Variants in DMRTA2 observed in about 807,000 individuals in gnomAD.
The protein encoded by DMRTA2 is DMRT like family A2.
DMRTA2 carries 10 observed loss-of-function variants against 29.7 expected under a neutral mutation model. That is an observed-to-expected ratio of 0.34 (90% CI 0.21 to 0.57). DMRTA2 has a LOEUF of 0.57. DMRTA2 is among the 20% of genes least tolerant of loss of function. The pLI, the probability that DMRTA2 is intolerant of heterozygous loss-of-function variation, is 0.87. For missense variants in DMRTA2, 783 were observed against 812.1 expected, an observed-to-expected ratio of 0.96 and a Z score of 0.44; for synonymous variants, 469 against 402.6, an observed-to-expected ratio of 1.16 and a Z score of -1.97.
chr1:50,422,575 C>A lies in DMRTA2; in HGVS notation c.-9+541G>T, dbSNP rs1646046921. 6.6e-6 allele frequency among the ~76,000 whole-genome samples: 1 copy of A among 152,124 alleles called. No homozygotes were observed. The highest frequency in any genetic ancestry group is 2.4e-5 in the African/African-American group (1 of 41,436). ...TCGCAGTCTGGAGTAGTAGTCGGGG[C>A]GGAAGACGTATCCTGCGAAAAGTTA... On this transcript the variant is annotated intron_variant, in intron 1 of 2. Transcript: ENST00000404795. This position sits in a 1 kb window ranked among gnomAD's most constrained non-coding sequence, Gnocchi z 5.7.
In DMRTA2 at chr1:50,421,310, T is replaced by C; in HGVS notation, c.227A>G (p.His76Arg). The change falls in exon 2 of 3, where the codon CAT becomes CGT. Residue 76 changes from histidine to arginine, a missense_variant. Transcript: ENST00000404795. The surrounding 1 kb of genome is among the most constrained non-coding windows in gnomAD (Gnocchi z 8.7). ...GCCCTTGAGGGCCGACACCACGCCA[T>C]GGTTGCGACAGCGCGCGCACTTGGG... is the stretch of plus-strand genomic sequence containing the variant. Reference protein sequence around the residue: ...RTPKCARCRNHGVVSALKGHK... With the variant: ...RTPKCARCRNRGVVSALKGHK... 6.5e-7 allele frequency: 1 copy of C among 1,530,728 alleles called. No homozygotes were observed. The highest frequency in any genetic ancestry group is 8.8e-7 in the Non-Finnish European group (1 of 1,138,396). The allele number at this position is 1,530,728 out of a possible 1,614,324, so 94.8% of individuals were successfully genotyped here.
chr1:50,419,528 A>C lies in DMRTA2; in HGVS notation c.766T>G (p.Ser256Ala). ...SFSGSPLARA[S>A]KEAGGSCPGS... ...GGGCAGCTGCCACCTGCCTCTTTGGAGGCCCGAGCTAGGGGCGAACCAGAA... is the reference window on the plus strand; with the variant it reads ...GGGCAGCTGCCACCTGCCTCTTTGGCGGCCCGAGCTAGGGGCGAACCAGAA... The change falls in exon 3 of 3, where the codon TCC (serine) becomes GCC (alanine). Residue 256 changes from serine (S) to alanine (A), a missense_variant. Transcript: ENST00000404795. This position sits in a 1 kb window ranked among gnomAD's most constrained non-coding sequence, Gnocchi z 6.1. 3.8e-6 allele frequency: 6 copies of C among 1,585,282 alleles called. No individual in the cohort carries two copies. The highest frequency in any genetic ancestry group is 5.1e-6 in the Non-Finnish European group (6 of 1,168,822).
chr1:50,419,616 G>T lies in DMRTA2; in HGVS notation c.678C>A (p.Pro226=). The change falls in exon 3 of 3, where the codon CCC becomes CCA. Residue 226 remains proline, a synonymous_variant. Coordinates refer to ENST00000404795, the MANE Select transcript of DMRTA2 (RefSeq NM_032110.3). The surrounding 1 kb of genome is among the most constrained non-coding windows in gnomAD (Gnocchi z 6.1). Reference sequence around the variant, plus strand: ...GCCGCACCTCTGGGGACGACGTCCCGGGCCCCGAGTCTGCGCCGTCGGGTG... The same window carrying T: ...GCCGCACCTCTGGGGACGACGTCCCTGGCCCCGAGTCTGCGCCGTCGGGTG... The part of the protein sequence containing the change: ...PLSPDGADSG[P]GTSSPEVRPG... 2 of 1,529,622 alleles carry T rather than the reference G, an allele frequency of 1.3e-6. No individual in the cohort carries two copies. Among genetic ancestry groups the T allele is most frequent in the Admixed American group, 2.1e-5 (1 of 48,076 alleles). The allele number at this position is 1,529,622 out of a possible 1,614,324, so 94.8% of individuals were successfully genotyped here.
Position 50,418,749 on chromosome 1 carries a change from G to A in DMRTA2, c.1545C>T (p.Ala515=), listed in dbSNP as rs1390403317. The change falls in exon 3 of 3, where the codon GCC becomes GCT. Residue 515 remains alanine, a synonymous_variant. Coordinates refer to ENST00000404795, the MANE Select transcript of DMRTA2 (RefSeq NM_032110.3). ...GCTCCTTGTGCACCGCCGCAGCAGC[G>A]GCGGCCGAGCGGTCACGCATGAGAT... ...FSDLMRDRSA[A]AAAAVHKEPT... 1.3e-6 allele frequency: 2 copies of A among 1,564,598 alleles called. No homozygotes were observed. Among genetic ancestry groups the A allele is most frequent in the South Asian group, 1.2e-5 (1 of 84,552 alleles).
Position 50,421,165 on chromosome 1 carries a change from G to C in DMRTA2, c.372C>G (p.Asn124Lys). Residue 124 changes from asparagine (N) to lysine (K), a missense_variant, in exon 2 of 3, where the codon AAC becomes AAG. Around this residue, in one of 3 missense-constraint regions of DMRTA2, gnomAD observed 667 missense variants for 624.8 expected, o/e 1.07. Coordinates refer to ENST00000404795, the MANE Select transcript of DMRTA2 (RefSeq NM_032110.3). This position sits in a 1 kb window ranked among gnomAD's most constrained non-coding sequence, Gnocchi z 8.7. ...AGAGCAGCTGCAGCTCGCGCGCCTCGTTCTCCTCCTGCGCCTGCTGCCTGC... is the reference window on the plus strand; with the variant it reads ...AGAGCAGCTGCAGCTCGCGCGCCTCCTTCTCCTCCTGCGCCTGCTGCCTGC... ...ALRRQQAQEENEARELQLLYG... is the reference protein window; with the variant it reads ...ALRRQQAQEEKEARELQLLYG... The C allele has an allele frequency of 1.3e-6, 2 of 1,536,048 alleles. No homozygotes were observed. Among genetic ancestry groups the C allele is most frequent in the South Asian group, 1.2e-5 (1 of 83,300 alleles).
chr1:50,419,084 C>A lies in DMRTA2; in HGVS notation c.1210G>T (p.Ala404Ser). Reference sequence around the variant, plus strand: ...GCGGCGGGCCCCGCCTGCAGCGGCGCAGGCAGCCCAGGCCCCCCGGCGGCG... The same window carrying A: ...GCGGCGGGCCCCGCCTGCAGCGGCGAAGGCAGCCCAGGCCCCCCGGCGGCG... ...AAAAGGPGLP[A>S]PLQAGPAAPP... The change falls in exon 3 of 3, where the codon GCG becomes TCG. Residue 404 changes from alanine (A) to serine (S), a missense_variant. Coordinates refer to ENST00000404795, the MANE Select transcript of DMRTA2 (RefSeq NM_032110.3). This position sits in a 1 kb window ranked among gnomAD's most constrained non-coding sequence, Gnocchi z 6.1. 2 of 1,236,804 alleles carry A rather than the reference C, an allele frequency of 1.6e-6. No individual in the cohort carries two copies. The highest frequency in any genetic ancestry group is 1.0e-6 in the Non-Finnish European group (1 of 994,196). The allele number at this position is 1,236,804 out of a possible 1,614,324, so 76.6% of individuals were successfully genotyped here.
Position 50,420,578 on chromosome 1 carries a change from G to T in DMRTA2, c.559+400C>A, listed in dbSNP as rs190630050. Among the ~76,000 whole-genome samples, 496 of 151,936 alleles carry T rather than the reference G, an allele frequency of 3.3e-3. 2 individuals carry two copies. The highest frequency in any genetic ancestry group is 0.012 in the African/African-American group (479 of 41,426). On this transcript the variant is annotated intron_variant, in intron 2 of 2. Transcript: ENST00000404795. This position sits in a 1 kb window ranked among gnomAD's most constrained non-coding sequence, Gnocchi z 4.1. ...TCAAAACCTAGGGTGTCAGTTAAAG[G>T]GGGGGGGATTCCTTAAGGGAGTTGG...
chr1:50,421,476 C>T lies in DMRTA2; in HGVS notation c.61G>A (p.Ala21Thr). ...ACCGACGCCACAGGCGGCCCCGTCG[C>T]TGTTGCCGCCGCCGCCGTCGCCGCG... ...PGAATAAAAT[A>T]TGPPVASVAS... is the part of the protein sequence containing the mutation. Residue 21 changes from alanine to threonine, a missense_variant, in exon 2 of 3, where the codon GCG (alanine) becomes ACG (threonine). Ala to Thr is a moderately conservative substitution (Grantham distance 58). Transcript: ENST00000404795. This position sits in a 1 kb window ranked among gnomAD's most constrained non-coding sequence, Gnocchi z 8.7. 1.6e-6 allele frequency: 2 copies of T among 1,277,142 alleles called. No individual in the cohort carries two copies. The highest frequency in any genetic ancestry group is 2.0e-6 in the Non-Finnish European group (2 of 1,018,100). 79.1% of individuals were successfully genotyped at this position (1,277,142 alleles called of 1,614,324 possible).
rs1037780421 is a variant in DMRTA2, at chr1:50,420,460, G to C, written c.559+518C>G. 6.6e-6 allele frequency among the ~76,000 whole-genome samples: 1 copy of C among 152,100 alleles called. No individual in the cohort carries two copies. The highest frequency in any genetic ancestry group is 1.5e-5 in the Non-Finnish European group (1 of 68,032). ...ACCAGGGAGGGTGCGGAAGAAACTA[G>C]AAGGAGGGAGGGCGCAGCAAGCGGT... On this transcript the variant is annotated intron_variant, in intron 2 of 2. Coordinates refer to ENST00000404795, the MANE Select transcript of DMRTA2 (RefSeq NM_032110.3). The surrounding 1 kb of genome is among the most constrained non-coding windows in gnomAD (Gnocchi z 4.1).
chr1:50,421,363 C>A lies in DMRTA2; in HGVS notation c.174G>T (p.Leu58=). 6.6e-6 allele frequency: 10 copies of A among 1,510,922 alleles called. No individual in the cohort carries two copies. The highest frequency in any genetic ancestry group is 8.8e-6 in the Non-Finnish European group (10 of 1,130,022). The allele number at this position is 1,510,922 out of a possible 1,614,324, so 93.6% of individuals were successfully genotyped here. A position where few individuals can be genotyped will look rare whatever the true frequency, so the allele number is the denominator to read the frequency against. The change falls in exon 2 of 3, where the codon CTG becomes CTT. Residue 58 remains leucine (L), a synonymous_variant. Transcript: ENST00000404795. The surrounding 1 kb of genome is among the most constrained non-coding windows in gnomAD (Gnocchi z 8.7). The part of the protein sequence containing the change: ...GGLLRGPPLL[L]RAAEKYPRTP... ...TCCGCGGGTACTTCTCGGCTGCCCG[C>A]AGCAACAGTGGCGGCCCCCGCAGCA... is the stretch of plus-strand genomic sequence containing the variant.
chr1:50,420,645 A>G lies in DMRTA2; in HGVS notation c.559+333T>C, dbSNP rs1260131654. ...AGGGCCTGTGGAGAAGCGCAGAGCG[A>G]ACGAAGATGCGCAGGTTTCCACCTG... On this transcript the variant is annotated intron_variant, in intron 2 of 2. Coordinates refer to ENST00000404795, the MANE Select transcript of DMRTA2 (RefSeq NM_032110.3). The surrounding 1 kb of genome is among the most constrained non-coding windows in gnomAD (Gnocchi z 4.1). Among the ~76,000 whole-genome samples, 1 of 152,176 alleles carries G rather than the reference A, an allele frequency of 6.6e-6. No homozygotes were observed. The highest frequency in any genetic ancestry group is 2.4e-5 in the African/African-American group (1 of 41,432).
Position 50,421,885 on chromosome 1 carries a change from A to G in DMRTA2, c.-8-341T>C, listed in dbSNP as rs1646041599. On this transcript the variant is annotated intron_variant, in intron 1 of 2. Coordinates refer to ENST00000404795, the MANE Select transcript of DMRTA2 (RefSeq NM_032110.3). The surrounding 1 kb of genome is among the most constrained non-coding windows in gnomAD (Gnocchi z 8.7). ...GTAATGAGAATTTGGAAAAGTTAAG[A>G]TGATACCCCAAAGCTTAGCCTAATT... 6.6e-6 allele frequency among the ~76,000 whole-genome samples: 1 copy of G among 152,210 alleles called. No individual in the cohort carries two copies. Among genetic ancestry groups the G allele is most frequent in the African/African-American group, 2.4e-5 (1 of 41,462 alleles).
At position 50,421,228 on chromosome 1, in the gene DMRTA2, C is replaced by G; in HGVS notation, c.309G>C (p.Ala103=). Residue 103 remains alanine (A), a synonymous_variant, in exon 2 of 3, where the codon GCG becomes GCC. Transcript: ENST00000404795. This position sits in a 1 kb window ranked among gnomAD's most constrained non-coding sequence, Gnocchi z 8.7. Reference sequence around the variant, plus strand: ...GCGCCGCCATGACACGCTGGCGCTCCGCGATGAGCGTGCACTTGGCGCACA... The same window carrying G: ...GCGCCGCCATGACACGCTGGCGCTCGGCGATGAGCGTGCACTTGGCGCACA... ...DCLCAKCTLI[A]ERQRVMAAQV... 6.5e-7 allele frequency: 1 copy of G among 1,536,760 alleles called. No homozygotes were observed. Among genetic ancestry groups the G allele is most frequent in the Non-Finnish European group, 8.8e-7 (1 of 1,141,238 alleles).
At position 50,421,435 on chromosome 1, in the gene DMRTA2, TGCCGCCACC is replaced by T; in HGVS notation, c.93_101del (p.Val32_Ala34del). On this transcript the variant is annotated inframe_deletion, in exon 2 of 3. Coordinates refer to ENST00000404795, the MANE Select transcript of DMRTA2 (RefSeq NM_032110.3). The surrounding 1 kb of genome is among the most constrained non-coding windows in gnomAD (Gnocchi z 8.7). ...GTAGCGATGCAGCGGCCGCCGCGGC[TGCCGCCACC>T]GACGCCACCGACGCCACAGGCGGCC... 6 of 1,340,588 alleles carry T rather than the reference TGCCGCCACC, an allele frequency of 4.5e-6. No homozygotes were observed. The highest frequency in any genetic ancestry group is 5.7e-6 in the Non-Finnish European group (6 of 1,049,822). The allele number at this position is 1,340,588 out of a possible 1,614,324, so 83.0% of individuals were successfully genotyped here.
In DMRTA2 at chr1:50,419,158, G is replaced by A; in HGVS notation, c.1136C>T (p.Ala379Val). ...GACGCGGCTGGGCCACGCGTCGTCT[G>A]CAGCTGCTGCAGCACCCACGGCGGC... ...DKAAVGAAAAADDAWPSRVDA... is the reference protein window; with the variant it reads ...DKAAVGAAAAVDDAWPSRVDA... The change falls in exon 3 of 3, where the codon GCA (alanine) becomes GTA (valine). Residue 379 changes from alanine to valine, a missense_variant. Physicochemically the swap from Ala to Val is moderately conservative, Grantham distance 64. Coordinates refer to ENST00000404795, the MANE Select transcript of DMRTA2 (RefSeq NM_032110.3). This position sits in a 1 kb window ranked among gnomAD's most constrained non-coding sequence, Gnocchi z 6.1. 1.6e-6 allele frequency: 2 copies of A among 1,264,884 alleles called. No homozygotes were observed. Among genetic ancestry groups the A allele is most frequent in the Non-Finnish European group, 2.0e-6 (2 of 1,009,766 alleles). The allele number at this position is 1,264,884 out of a possible 1,614,324, so 78.4% of individuals were successfully genotyped here. A position where few individuals can be genotyped will look rare whatever the true frequency, so the allele number is the denominator to read the frequency against.
rs1275004916 is a variant in DMRTA2 at position 50,422,666 on chromosome 1, T to C, written c.-9+450A>G. On this transcript the variant is annotated intron_variant, in intron 1 of 2. Transcript: ENST00000404795. This position sits in a 1 kb window ranked among gnomAD's most constrained non-coding sequence, Gnocchi z 5.7. ...ACTGCCCTCCCCTCCCCTCCGGGTTTAGGGACAGAGTCGTCAGACACGCCC... is the reference window on the plus strand; with the variant it reads ...ACTGCCCTCCCCTCCCCTCCGGGTTCAGGGACAGAGTCGTCAGACACGCCC... 6.6e-6 allele frequency among the ~76,000 whole-genome samples: 1 copy of C among 152,140 alleles called. No homozygotes were observed. The highest frequency in any genetic ancestry group is 1.5e-5 in the Non-Finnish European group (1 of 68,004).
Position 50,423,098 on chromosome 1 carries a change from C to A in DMRTA2, c.-9+18G>T, listed in dbSNP as rs1264181459. On this transcript the variant is annotated intron_variant, in intron 1 of 2. Coordinates refer to ENST00000404795, the MANE Select transcript of DMRTA2 (RefSeq NM_032110.3). ...AGGTCTCCACCCACTGCTCTCCCTG[C>A]GGCCCTCAACTACCTGCCTTGGGCT... is the stretch of plus-strand genomic sequence containing the variant. The A allele has an allele frequency of 6.6e-6, 1 of 152,524 alleles. No homozygotes were observed. Among genetic ancestry groups the A allele is most frequent in the Non-Finnish European group, 1.5e-5 (1 of 68,294 alleles). The allele number at this position is 152,524 out of a possible 1,614,324, so 9.4% of individuals were successfully genotyped here. A position where few individuals can be genotyped will look rare whatever the true frequency, so the allele number is the denominator to read the frequency against.
At position 50,420,880 on chromosome 1, in the gene DMRTA2, G is replaced by C. The variant is rs546867408; in HGVS notation, c.559+98C>G. On this transcript the variant is annotated intron_variant, in intron 2 of 2. Coordinates refer to ENST00000404795, the MANE Select transcript of DMRTA2 (RefSeq NM_032110.3). The surrounding 1 kb of genome is among the most constrained non-coding windows in gnomAD (Gnocchi z 4.1). ...CCTAGCAGTCGCGGCGACTGGACAC[G>C]GGGGTTCTACTCTTTCTGAACCGAG... 9 of 1,371,376 alleles carry C rather than the reference G, an allele frequency of 6.6e-6. 1 individual carries two copies. The Admixed American group carries it at 2.6e-4, about 39-fold the overall frequency. 85.0% of individuals were successfully genotyped at this position (1,371,376 alleles called of 1,614,324 possible). A position where few individuals can be genotyped will look rare whatever the true frequency, so the allele number is the denominator to read the frequency against.
chr1:50,418,799 G>A lies in DMRTA2; in HGVS notation c.1495C>T (p.Pro499Ser). Residue 499 changes from proline to serine, a missense_variant, in exon 3 of 3, where the codon CCA becomes TCA. By Grantham distance (74) the Pro-to-Ser change is moderately conservative. Transcript: ENST00000404795. ...AGLVPTLGFR[P>S]PMDYAFSDLM... Reference sequence around the variant, plus strand: ...TCGCTAAAGGCGTAGTCCATGGGTGGGCGGAAGCCGAGCGTGGGCACCAAG... The same window carrying A: ...TCGCTAAAGGCGTAGTCCATGGGTGAGCGGAAGCCGAGCGTGGGCACCAAG... The A allele has an allele frequency of 6.3e-7, 1 of 1,588,226 alleles. No homozygotes were observed. Among genetic ancestry groups the A allele is most frequent in the Non-Finnish European group, 8.5e-7 (1 of 1,169,908 alleles).
Sources: allele counts gnomAD v4.1 joint callset (sites outside exome capture counted in the v4.1 genomes callset), GRCh38; gene constraint gnomAD v4.1.1; regional missense constraint gnomAD v4.1.1; non-coding constraint Gnocchi (gnomAD v3.1); transcripts MANE v1.5; gene names NCBI Gene and HGNC (gene_info 2026-07-23, HGNC 2026-07-21).